The following ADCY9 variants were observed in gnomAD, a reference collection of about 807,000 sequenced individuals.
The protein encoded by ADCY9 is adenylate cyclase 9.
In ADCY9, 50 loss-of-function variants were observed where a neutral mutation model predicts 101.5. That is an observed-to-expected ratio of 0.49 (90% CI 0.39 to 0.62). The LOEUF is 0.62. ADCY9 is among the 20% of genes least tolerant of loss of function. The pLI, the probability that ADCY9 is intolerant of heterozygous loss-of-function variation, is 0.00. For missense variants in ADCY9, 1,662 were observed against 1,800.4 expected, an observed-to-expected ratio of 0.92 and a Z score of 1.39; for synonymous variants, 905 against 769.3, an observed-to-expected ratio of 1.18 and a Z score of -2.92.
rs750993435 is a variant in ADCY9, at chr16:3,983,305, G to T, written c.2446C>A (p.Pro816Thr). The T allele has an allele frequency of 6.4e-7, 1 of 1,566,196 alleles. No individual in the cohort carries two copies. Among genetic ancestry groups the T allele is most frequent in the Non-Finnish European group, 8.7e-7 (1 of 1,155,946 alleles). The change falls in exon 7 of 11, where the codon CCC (proline) becomes ACC (threonine). Residue 816 changes from proline (P) to threonine (T), a missense_variant. By Grantham distance (38) the Pro-to-Thr change is conservative. Transcript: ENST00000294016. ...AAGACCGCCAGGGCGGCGGGCGGGG[G>T]AGGCACGGTGGCCGCCTCGTACTTC... ...FLKYEAATVP[P>T]PPAALAVFSA...
chr16:3,978,905 C>G (rs150494572), intron 8 of ADCY9, among the ~76,000 whole-genome samples: 2 of 151,950 alleles, frequency 1.3e-5, no homozygotes, highest in African/African-American at 4.8e-5. Flanking sequence ...TTAGTAGAGA[C>G]GGGGTTTCAC....
At chr16:3,994,675 C>A (rs903951552) in intron 3 of ADCY9, among the ~76,000 whole-genome samples, 7 of 152,198 alleles carry the variant, frequency 4.6e-5, no homozygotes, top group Admixed American at 6.5e-5. Flanking sequence ...CCAGGCTGGT[C>A]TTGAACTCCT....
At chr16:4,006,755 C>T (rs1192993460) in intron 3 of ADCY9, among the ~76,000 whole-genome samples, 2 of 152,202 alleles carry the variant, frequency 1.3e-5, no homozygotes, top group African/African-American at 4.8e-5. Context: ...AATGATTTCA[C>T]ACACCCAAGG....
Position 4,115,243 on chromosome 16 carries a change from A to G in ADCY9, c.200T>C (p.Val67Ala), listed in dbSNP as rs1478918264. 6.8e-6 allele frequency: 11 copies of G among 1,613,056 alleles called. No individual in the cohort carries two copies. The highest frequency in any genetic ancestry group is 9.3e-6 in the Non-Finnish European group (11 of 1,179,510). Residue 67 changes from valine (V) to alanine (A), a missense_variant, in exon 2 of 11, where the codon GTG (valine) becomes GCG (alanine). Physicochemically the swap from Val to Ala is moderately conservative, Grantham distance 64. Coordinates refer to ENST00000294016, the MANE Select transcript of ADCY9 (RefSeq NM_001116.4). This position sits in a 1 kb window ranked among gnomAD's most constrained non-coding sequence, Gnocchi z 6.2. Reference protein sequence around the residue: ...SGDSGGVPRRVGGGGRLRRQK... With the variant: ...SGDSGGVPRRAGGGGRLRRQK... Reference sequence around the variant, plus strand: ...CCTGCGCAGCCGGCCTCCGCCGCCCACTCGCCGGGGGACGCCCCCGGAGTC... The same window carrying G: ...CCTGCGCAGCCGGCCTCCGCCGCCCGCTCGCCGGGGGACGCCCCCGGAGTC...
At chr16:4,047,718 C>T (rs181350046) in intron 2 of ADCY9, among the ~76,000 whole-genome samples, 3 of 150,342 alleles carry the variant, frequency 2.0e-5, no homozygotes, top group African/African-American at 5.0e-5. Flanking sequence ...TCAGGTCCTT[C>T]GGTTGAAATC....
At chr16:4,027,794 T>G (rs986605669) in intron 2 of ADCY9, among the ~76,000 whole-genome samples, 1 of 151,802 alleles carries the variant, frequency 6.6e-6, no homozygotes, top group African/African-American at 2.4e-5. Flanking sequence ...GGAGAATCGC[T>G]TGAACCCAGG....
intron 2 of ADCY9, among the ~76,000 whole-genome samples, chr16:4,108,359 C>CCTTTTTTT (rs1491172269): frequency 1.9e-5 from 1 of 53,492 alleles, no homozygotes; most frequent in Non-Finnish European, 3.9e-5. Flanking sequence ...ACCGTTTCTT[C>CCTTTTTTT]ATTTTTTTTT....
Position 3,966,780 on chromosome 16 carries a change from G to A in ADCY9, c.3057C>T (p.Thr1019=). 6.2e-7 allele frequency: 1 copy of A among 1,614,226 alleles called. No individual in the cohort carries two copies. The part of the protein sequence containing the change: ...HGDVEADLHR[T]KIQSMRDQAD... ...CCTGGTCCCGCATGCTCTGGATCTT[G>A]GTGCGGTGAAGATCCGCTTCCACGT... The change falls in exon 11 of 11, where the codon ACC becomes ACT. Residue 1019 remains threonine (T), a synonymous_variant. Transcript: ENST00000294016.
chr16:3,966,719 C>T lies in ADCY9; in HGVS notation c.3118G>A (p.Val1040Met). ...WLLRNIIPYH[V>M]AEQLKVSQTY... ...TGGGACACCTTCAGCTGCTCAGCCA[C>T]GTGGTAGGGGATGATGTTCCTCAGC... Residue 1040 changes from valine to methionine, a missense_variant, in exon 11 of 11, where the codon GTG becomes ATG. Val to Met is a conservative substitution (Grantham distance 21, BLOSUM62 1). Coordinates refer to ENST00000294016, the MANE Select transcript of ADCY9 (RefSeq NM_001116.4). 6.2e-7 allele frequency: 1 copy of T among 1,614,158 alleles called. No individual in the cohort carries two copies. The highest frequency in any genetic ancestry group is 8.5e-7 in the Non-Finnish European group (1 of 1,180,034).
intron 2 of ADCY9, among the ~76,000 whole-genome samples, chr16:4,008,571 CT>C (rs879832120): frequency 4.1e-3 from 575 of 140,918 alleles, no homozygotes; most frequent in Non-Finnish European, 4.1e-3. Context: ...AGGGTCCCTT[CT>C]TTTTTTTTTT....
chr16:3,953,858 G>A (rs956125105), intron 5 of ADCY9, among the ~76,000 whole-genome samples: 1 of 152,246 alleles, frequency 6.6e-6, no homozygotes, highest in Non-Finnish European at 1.5e-5. Flanking sequence ...GGGACAAAGT[G>A]ACCATCAGCA....
At chr16:3,960,973 A>G (rs1469587324), downstream of ADCY9, among the ~76,000 whole-genome samples, 2 of 151,176 alleles carry the variant, frequency 1.3e-5, no homozygotes, top group African/African-American at 4.9e-5. Context: ...CGCGGGATCT[A>G]TTCCAGGTGG....
intron 2 of ADCY9, among the ~76,000 whole-genome samples, chr16:4,098,394 C>T (rs369700250): frequency 3.3e-5 from 5 of 151,844 alleles, no homozygotes; most frequent in Non-Finnish European, 7.4e-5. Context: ...CCACCAAGCC[C>T]GGCTAATTTT....
At chr16:4,029,108 C>T (rs560705764) in intron 2 of ADCY9, among the ~76,000 whole-genome samples, 1 of 152,148 alleles carries the variant, frequency 6.6e-6, no homozygotes, top group African/African-American at 2.4e-5. Flanking sequence ...TAAAGTAAAA[C>T]TTGATCCCTA....
At chr16:4,100,387 T>C (rs766955143) in intron 2 of ADCY9, among the ~76,000 whole-genome samples, 3 of 152,120 alleles carry the variant, frequency 2.0e-5, no homozygotes, top group Non-Finnish European at 2.9e-5. Context: ...TGGAGTACAG[T>C]GGCGCGATCT....
At chr16:4,051,481 G>A (rs1223157552) in intron 2 of ADCY9, among the ~76,000 whole-genome samples, 1 of 150,554 alleles carries the variant, frequency 6.6e-6, no homozygotes, top group African/African-American at 2.5e-5. Context: ...CAGAGATCAC[G>A]CCACTGAACT....
chr16:4,106,925 T>C (rs1305332957), intron 2 of ADCY9, among the ~76,000 whole-genome samples: 3 of 152,242 alleles, frequency 2.0e-5, no homozygotes, highest in African/African-American at 7.2e-5. Flanking sequence ...TCTCCATGTT[T>C]CCCTTCCTTA....
intron 2 of ADCY9, among the ~76,000 whole-genome samples, chr16:4,086,327 T>A (rs973389097): frequency 2.0e-5 from 3 of 152,054 alleles, no homozygotes; most frequent in African/African-American, 7.2e-5. Context: ...CCACATGCCA[T>A]GTACTACGTG....
intron 2 of ADCY9, among the ~76,000 whole-genome samples, chr16:4,050,582 C>T (rs12102739): frequency 0.076 from 11,537 of 151,666 alleles, 1,486 homozygotes; most frequent in African/African-American, 0.27. Flanking sequence ...GACGTGGTGG[C>T]GCATGCCTGT....
Sources: allele counts gnomAD v4.1 joint callset (sites outside exome capture counted in the v4.1 genomes callset), GRCh38; gene constraint gnomAD v4.1.1; non-coding constraint Gnocchi (gnomAD v3.1); transcripts MANE v1.5; gene names NCBI Gene and HGNC (gene_info 2026-07-23, HGNC 2026-07-21).